CDH12: variants seen among roughly 807,000 people sequenced by gnomAD.
CDH12 encodes the protein cadherin-12.
In CDH12, 41 loss-of-function variants were observed where a neutral mutation model predicts 74.1. The ratio of observed to expected loss-of-function variants is 0.55; its 90% confidence interval spans 0.43 to 0.72. CDH12 has a LOEUF of 0.72. CDH12 is among the 30% of genes least tolerant of loss of function. The probability of loss-of-function intolerance (pLI) is 0.00; values close to 1 mark genes in which losing one functional copy is unlikely to be tolerated. For missense variants in CDH12, 945 were observed against 977.2 expected (o/e 0.97, Z 0.44); for synonymous variants, 399 against 355.0 (o/e 1.12, Z -1.39).
At chr5:22,662,960 C>T (rs1740426276) in intron 1 of CDH12, among the ~76,000 whole-genome samples, 1 of 152,132 alleles carries the variant, frequency 6.6e-6, no homozygotes, top group Non-Finnish European at 1.5e-5. Context: ...TAAATTTTAC[C>T]AATTATAGAT....
At chr5:21,964,591 A>G (rs1756501306) in intron 6 of CDH12, among the ~76,000 whole-genome samples, 1 of 151,970 alleles carries the variant, frequency 6.6e-6, no homozygotes, top group South Asian at 2.1e-4. Flanking sequence ...TAAAAAATAA[A>G]AAGAACTATT....
intron 5 of CDH12, among the ~76,000 whole-genome samples, chr5:22,051,187 G>A (rs746853954): frequency 3.3e-5 from 5 of 152,004 alleles, no homozygotes; most frequent in South Asian, 2.1e-4. Context: ...TGGACCCACC[G>A]GGAGATGGAA....
chr5:21,901,264 A>G (rs894822774), intron 6 of CDH12, among the ~76,000 whole-genome samples: 14 of 152,150 alleles, frequency 9.2e-5, no homozygotes, highest in African/African-American at 3.4e-4. Flanking sequence ...CTTATAAGTC[A>G]TATTATTATA....
rs35242143 is a variant in CDH12 at position 22,307,873 on chromosome 5, G to GTTTTTTTTTT, written c.-332-95240_-332-95231dup. Among the ~76,000 whole-genome samples, 42 of 68,676 alleles carry GTTTTTTTTTT rather than the reference G, an allele frequency of 6.1e-4. 2 individuals carry two copies. Among genetic ancestry groups the GTTTTTTTTTT allele is most frequent in the Non-Finnish European group, 8.3e-4 (35 of 42,094 alleles). The allele number at this position is 68,676 out of a possible 152,430, so 45.1% of individuals were successfully genotyped here. On this transcript the variant is annotated intron_variant, in intron 3 of 14. Transcript: ENST00000382254. ...TATATATTTTTGCTGCTTTCTTTTAGTTTTTTTTTTTTTTTTTTTTTTTTT... is the reference window on the plus strand; with the variant it reads ...TATATATTTTTGCTGCTTTCTTTTAGTTTTTTTTTTTTTTTTTTTTTTTTTTTTTTTTTTT...
At chr5:22,119,036 G>T (rs564290457) in intron 4 of CDH12, among the ~76,000 whole-genome samples, 19 of 152,110 alleles carry the variant, frequency 1.2e-4, no homozygotes, top group African/African-American at 3.6e-4. Context: ...TAATAGGATC[G>T]CCTTTTCAAT....
At chr5:21,840,672 A>T in intron 8 of CDH12, among the ~76,000 whole-genome samples, 1 of 152,076 alleles carries the variant, frequency 6.6e-6, no homozygotes, top group African/African-American at 2.4e-5. Context: ...AGATCAATGG[A>T]ACAGAACAGA....
intron 1 of CDH12, among the ~76,000 whole-genome samples, chr5:22,788,697 A>C (rs1747765810): frequency 1.3e-5 from 2 of 148,618 alleles, no homozygotes; most frequent in South Asian, 4.2e-4. Context: ...TAATTATGAA[A>C]CTATAATTAT....
At chr5:22,620,110 A>G (rs1737898543) in intron 1 of CDH12, among the ~76,000 whole-genome samples, 1 of 152,100 alleles carries the variant, frequency 6.6e-6, no homozygotes, top group Non-Finnish European at 1.5e-5. Context: ...TTTTGCTTTT[A>G]ATCATAGCTA....
intron 2 of CDH12, among the ~76,000 whole-genome samples, chr5:22,451,222 T>C (rs1745030080): frequency 6.6e-6 from 1 of 151,954 alleles, no homozygotes; most frequent in South Asian, 2.1e-4. Flanking sequence ...GGATGTCTAA[T>C]ATATAGAGAG....
At chr5:22,063,187 C>T (rs927552924) in intron 5 of CDH12, among the ~76,000 whole-genome samples, 1 of 151,966 alleles carries the variant, frequency 6.6e-6, no homozygotes, top group African/African-American at 2.4e-5. Flanking sequence ...CTATTTTTGT[C>T]TTTCTTATTT....
At chr5:21,866,628 GT>G (rs1416361231) in intron 6 of CDH12, among the ~76,000 whole-genome samples, 2 of 152,126 alleles carry the variant, frequency 1.3e-5, no homozygotes, top group Non-Finnish European at 2.9e-5. Flanking sequence ...GGTGACTTGG[GT>G]GCTGTTAAAG....
At chr5:22,003,978 G>A (rs1232525039) in intron 5 of CDH12, among the ~76,000 whole-genome samples, 2 of 151,828 alleles carry the variant, frequency 1.3e-5, no homozygotes, top group African/African-American at 4.8e-5. Context: ...TTCTGTCTCA[G>A]CACTTTGAAA....
At chr5:22,558,210 C>T (rs1456796996) in intron 1 of CDH12, among the ~76,000 whole-genome samples, 1 of 151,950 alleles carries the variant, frequency 6.6e-6, no homozygotes, top group Non-Finnish European at 1.5e-5. Flanking sequence ...CAGACAGGCT[C>T]TTGTATCAGA....
At chr5:22,743,918 G>A (rs1257370800) in intron 1 of CDH12, among the ~76,000 whole-genome samples, 2 of 151,620 alleles carry the variant, frequency 1.3e-5, no homozygotes, top group East Asian at 3.9e-4. Flanking sequence ...AGTTTATTAA[G>A]TCAGGTTTCT....
chr5:22,326,184 A>G (rs1739088438), intron 3 of CDH12, among the ~76,000 whole-genome samples: 1 of 152,070 alleles, frequency 6.6e-6, no homozygotes, highest in South Asian at 2.1e-4. Context: ...TCTCTCAATC[A>G]AGGATTTATC....
At chr5:22,257,330 T>C (rs1753353306) in intron 3 of CDH12, among the ~76,000 whole-genome samples, 1 of 151,998 alleles carries the variant, frequency 6.6e-6, no homozygotes, top group Non-Finnish European at 1.5e-5. Context: ...AAAATAAAAG[T>C]TAAAATATAA....
intron 1 of CDH12, among the ~76,000 whole-genome samples, chr5:22,831,349 GTTTGTGTGTGTGTGTGTGTGTC>G (rs1454871726): frequency 1.7e-5 from 2 of 117,168 alleles, no homozygotes; most frequent in Admixed American, 1.1e-4. Flanking sequence ...GGGTTTTGGA[GTTTGTGTGTGTGTGTGTGTGTC>G]TGTGTGTGTG....
chr5:21,981,482 A>C (rs1757304115), intron 5 of CDH12, among the ~76,000 whole-genome samples: 1 of 151,792 alleles, frequency 6.6e-6, no homozygotes, highest in Non-Finnish European at 1.5e-5. Flanking sequence ...AATAACCATC[A>C]CCCTAACACC....
intron 1 of CDH12, among the ~76,000 whole-genome samples, chr5:22,615,352 G>A (rs1737643214): frequency 1.3e-5 from 2 of 151,870 alleles, no homozygotes. Flanking sequence ...CCTTCTGTTA[G>A]GCTCAGATGA....
Sources: gnomAD v4.1 joint callset for allele counts (sites outside exome capture counted in the v4.1 genomes callset) on GRCh38, gnomAD v4.1.1 for gene constraint, MANE v1.5 for transcripts, NCBI Gene and HGNC (gene_info 2026-07-23, HGNC 2026-07-21) for gene names.